GTPBP10: variants seen among roughly 807,000 people sequenced by gnomAD.
The protein encoded by GTPBP10 is GTP-binding protein 10.
In GTPBP10, 38 loss-of-function variants were observed where a neutral mutation model predicts 44.8. The ratio of observed to expected loss-of-function variants is 0.85; its 90% confidence interval spans 0.65 to 1.11. The LOEUF is 1.11. GTPBP10 is among the 50% of genes most tolerant of loss of function. The probability of loss-of-function intolerance (pLI) is 0.00; values close to 1 mark genes in which losing one functional copy is unlikely to be tolerated. For missense variants in GTPBP10, 462 were observed against 453.7 expected, an observed-to-expected ratio of 1.02 and a Z score of -0.17; for synonymous variants, 152 against 150.6, an observed-to-expected ratio of 1.01 and a Z score of -0.07.
intron 4 of GTPBP10, among the ~76,000 whole-genome samples, chr7:90,358,796 G>A (rs1475747475): frequency 1.3e-5 from 2 of 152,110 alleles, no homozygotes; most frequent in Non-Finnish European, 2.9e-5. Flanking sequence ...GCAAAAGAAA[G>A]AATCAACAGA....
chr7:90,384,823 C>A, intron 9 of GTPBP10, 69 bp from the exon 10 acceptor site: 2 of 1,462,504 alleles, frequency 1.4e-6, no homozygotes, highest in Non-Finnish European at 1.8e-6. Context: ...ACAAATCAAA[C>A]CATTAACATG....
Position 90,353,029 on chromosome 7 carries a change from C to T in GTPBP10, c.227+20C>T. 2.1e-6 allele frequency: 3 copies of T among 1,461,642 alleles called. No homozygotes were observed. Among genetic ancestry groups the T allele is most frequent in the Admixed American group, 2.3e-5 (1 of 42,740 alleles). The allele number at this position is 1,461,642 out of a possible 1,614,324, so 90.5% of individuals were successfully genotyped here. On this transcript the variant is annotated intron_variant, in intron 2 of 9. Coordinates refer to ENST00000222511, the MANE Select transcript of GTPBP10 (RefSeq NM_033107.4). ...CAGCAAGTAAGTAATTACTGAATGA[C>T]TTAAATTTTAGAAAATCAAACCCTT...
At chr7:90,364,905 C>T (rs563396564) in intron 4 of GTPBP10, among the ~76,000 whole-genome samples, 62 of 152,264 alleles carry the variant, frequency 4.1e-4, no homozygotes, top group Non-Finnish European at 7.1e-4. Context: ...AGTGAAGCTC[C>T]GTGAGCGTGG....
At chr7:90,380,074 CTTTTTTTTTTTTT>C (rs58735928) in intron 8 of GTPBP10, among the ~76,000 whole-genome samples, 1 of 104,348 alleles carries the variant, frequency 9.6e-6, no homozygotes, top group African/African-American at 3.8e-5. Flanking sequence ...AGTCCCTTCT[CTTTTTTTTTTTTT>C]TTTTTTTTTG....
At chr7:90,369,454 C>T (rs942657255) in intron 4 of GTPBP10, among the ~76,000 whole-genome samples, 2 of 152,206 alleles carry the variant, frequency 1.3e-5, no homozygotes, top group African/African-American at 2.4e-5. Context: ...GGACTCCACC[C>T]ATTTCGAGCT....
At chr7:90,377,441 G>A (rs1796359833) in intron 6 of GTPBP10, 66 bp from the exon 7 acceptor site, 5 of 996,512 alleles carry the variant, frequency 5.0e-6, no homozygotes, top group Non-Finnish European at 7.6e-6. Flanking sequence ...AAAAATTTTG[G>A]GATGTAATTG....
chr7:90,371,620 A>C (rs1190307725), intron 4 of GTPBP10, among the ~76,000 whole-genome samples: 2 of 152,174 alleles, frequency 1.3e-5, no homozygotes, highest in Admixed American at 1.3e-4. Context: ...TAGATTTGAG[A>C]CACACCGGGT....
Position 90,361,078 on chromosome 7 carries a change from A to G in GTPBP10, c.464+5848A>G, listed in dbSNP as rs536139368. Among the ~76,000 whole-genome samples, 9 of 152,332 alleles carry G rather than the reference A, an allele frequency of 5.9e-5. No homozygotes were observed. The South Asian group carries it at 1.2e-3, about 21-fold the overall frequency. On this transcript the variant is annotated intron_variant, in intron 4 of 9. Transcript: ENST00000222511. ...TAAATATACAATCTTGTCATCTTCA[A>G]ACAGGGACAATTTGACTTCCTCTTT... is the stretch of plus-strand genomic sequence containing the variant.
Position 90,378,227 on chromosome 7 carries a change from T to G in GTPBP10, c.777+16T>G, listed in dbSNP as rs375354582. ...GCTTACAAAAGTAGGTTTTCTGTTT[T>G]ACTGTGTTCTGTATTTGGTCTAATA... On this transcript the variant is annotated intron_variant, in intron 8 of 9. Transcript: ENST00000222511. 2.9e-5 allele frequency: 47 copies of G among 1,603,182 alleles called. 1 individual carries two copies. Among genetic ancestry groups the G allele is most frequent in the Non-Finnish European group, 7.7e-6 (9 of 1,171,550 alleles).
intron 4 of GTPBP10, among the ~76,000 whole-genome samples, chr7:90,362,526 A>G (rs1796044703): frequency 6.6e-6 from 1 of 152,114 alleles, no homozygotes; most frequent in South Asian, 2.1e-4. Flanking sequence ...GTTCTTTTAC[A>G]TTTGCTAAGG....
At position 90,385,467 on chromosome 7, in the gene GTPBP10, AT is replaced by A. The variant is rs1796508478; in HGVS notation, c.*317del. The A allele has an allele frequency of 5.3e-6, 1 of 189,854 alleles. No homozygotes were observed. Among genetic ancestry groups the A allele is most frequent in the Non-Finnish European group, 1.1e-5 (1 of 92,944 alleles). 11.8% of individuals were successfully genotyped at this position (189,854 alleles called of 1,614,324 possible). On this transcript the variant is annotated 3_prime_UTR_variant, in exon 10 of 10. Transcript: ENST00000222511. ...TGGTGACTGTAATTAACAACAATGT[AT>A]TTTGAAAGTCACTGAGTAAATTTTA...
intron 4 of GTPBP10, among the ~76,000 whole-genome samples, chr7:90,361,412 T>C (rs1796018704): frequency 6.7e-5 from 2 of 30,018 alleles, no homozygotes; most frequent in Admixed American, 6.4e-4. Flanking sequence ...TGTCATTGGT[T>C]CTGTTTATAT....
intron 4 of GTPBP10, among the ~76,000 whole-genome samples, chr7:90,367,223 A>C (rs1362897898): frequency 6.6e-6 from 1 of 152,136 alleles, no homozygotes; most frequent in Non-Finnish European, 1.5e-5. Context: ...GGTCAATTTT[A>C]GAATAAGTAC....
chr7:90,384,600 C>G (rs767416819), intron 9 of GTPBP10, among the ~76,000 whole-genome samples: 45 of 151,250 alleles, frequency 3.0e-4, no homozygotes, highest in Non-Finnish European at 5.7e-4. Flanking sequence ...TTTAACCCCC[C>G]CCACACACAC....
Position 90,372,129 on chromosome 7 carries a change from T to C in GTPBP10, c.465-26T>C, listed in dbSNP as rs565198922. 47 of 1,386,440 alleles carry C rather than the reference T, an allele frequency of 3.4e-5. No individual in the cohort carries two copies. In the South Asian group the frequency reaches 5.6e-4, roughly 17 times the overall value. The allele number at this position is 1,386,440 out of a possible 1,614,324, so 85.9% of individuals were successfully genotyped here. On this transcript the variant is annotated intron_variant, in intron 4 of 9. Transcript: ENST00000222511. The stretch of plus-strand genomic sequence containing the variant: ...TCAGAGATAATAATATTGACATTTG[T>C]GTATAATTTTATATTCTTGTTTCAG...
rs187237920 is a variant in GTPBP10, at chr7:90,388,130, G to A, written c.*2976G>A. 1 of 152,192 alleles carries A rather than the reference G, an allele frequency of 6.6e-6. No homozygotes were observed. Among genetic ancestry groups the A allele is most frequent in the Non-Finnish European group, 1.5e-5 (1 of 67,994 alleles). The allele number at this position is 152,192 out of a possible 1,614,324, so 9.4% of individuals were successfully genotyped here. A position where few individuals can be genotyped will look rare whatever the true frequency, so the allele number is the denominator to read the frequency against. ...TTAGTATTTTCTGGTTACTCAAAGT[G>A]TACTCTATGTACCTTTTTTTGACCT... On this transcript the variant is annotated 3_prime_UTR_variant, in exon 10 of 10. Transcript: ENST00000222511.
intron 6 of GTPBP10, among the ~76,000 whole-genome samples, chr7:90,375,683 C>T (rs954434886): frequency 1.3e-5 from 2 of 152,054 alleles, no homozygotes; most frequent in African/African-American, 4.8e-5. Flanking sequence ...GGACATGAGA[C>T]TTCTGTTGTG....
intron 1 of GTPBP10, among the ~76,000 whole-genome samples, chr7:90,348,475 A>T (rs42649): frequency 0.53 from 81,281 of 151,958 alleles, 22,493 homozygotes; most frequent in Middle Eastern, 0.64. Flanking sequence ...GAAAAGAAAC[A>T]GTTACTAAGA....
rs917715180 is a variant in GTPBP10, at chr7:90,391,131, T to C, written c.*5977T>C. 2.0e-5 allele frequency: 3 copies of C among 152,162 alleles called. No homozygotes were observed. Among genetic ancestry groups the C allele is most frequent in the Non-Finnish European group, 4.4e-5 (3 of 68,008 alleles). 9.4% of individuals were successfully genotyped at this position (152,162 alleles called of 1,614,324 possible). A position where few individuals can be genotyped will look rare whatever the true frequency, so the allele number is the denominator to read the frequency against. Reference sequence around the variant, plus strand: ...ACCACTCTGGGGTCAAGAGAAATTGTAAGAACAATAAAATGAGCACACATG... The same window carrying C: ...ACCACTCTGGGGTCAAGAGAAATTGCAAGAACAATAAAATGAGCACACATG... On this transcript the variant is annotated 3_prime_UTR_variant, in exon 10 of 10. Coordinates refer to ENST00000222511, the MANE Select transcript of GTPBP10 (RefSeq NM_033107.4).
Sources: allele counts gnomAD v4.1 joint callset (sites outside exome capture counted in the v4.1 genomes callset), GRCh38; gene constraint gnomAD v4.1.1; transcripts MANE v1.5; gene names NCBI Gene and HGNC (gene_info 2026-07-23, HGNC 2026-07-21).